APP: variants seen among roughly 807,000 people sequenced by gnomAD.
The protein encoded by APP is amyloid-beta precursor protein.
Under a neutral mutation model 101.4 loss-of-function variants are expected in APP, and 31 were observed. The ratio of observed to expected loss-of-function variants is 0.31; its 90% confidence interval spans 0.23 to 0.41. The LOEUF is 0.41. Among genes scored for constraint, APP ranks in the 10% least tolerant of loss-of-function variants. The pLI, the probability that APP is intolerant of heterozygous loss-of-function variation, is 1.00. For synonymous variants in APP, 366 were observed against 364.4 expected, an observed-to-expected ratio of 1.00 and a Z score of -0.05; for missense variants, 839 against 1,003.7, an observed-to-expected ratio of 0.84 and a Z score of 2.22.
intron 1 of APP, among the ~76,000 whole-genome samples, chr21:26,134,525 G>C (rs988493946): frequency 6.6e-5 from 10 of 152,208 alleles, no homozygotes; most frequent in Non-Finnish European, 1.3e-4. Context: ...GAGATGCACG[G>C]GGTGAGGTGC....
chr21:26,003,623 T>G (rs893819790), intron 6 of APP, among the ~76,000 whole-genome samples: 4 of 152,204 alleles, frequency 2.6e-5, no homozygotes, highest in African/African-American at 9.7e-5. Context: ...GGACTGACAG[T>G]GTGCTTTTGT....
intron 1 of APP, among the ~76,000 whole-genome samples, chr21:26,147,586 TAAG>T (rs2063178713): frequency 1.4e-5 from 2 of 147,510 alleles, no homozygotes; most frequent in Admixed American, 7.0e-5. Context: ...TACAGTTTCT[TAAG>T]AAGATGTAAC....
In APP at chr21:26,154,577, A is replaced by T. The variant is rs571418569; in HGVS notation, c.57+15987T>A. On this transcript the variant is annotated intron_variant, in intron 1 of 17. Transcript: ENST00000346798. Reference sequence around the variant, plus strand: ...GCCTTCAAGTGGGCCAGATTGTCTTAAAGCTCCTGGCTTAATATTTAACTG... The same window carrying T: ...GCCTTCAAGTGGGCCAGATTGTCTTTAAGCTCCTGGCTTAATATTTAACTG... Among the ~76,000 whole-genome samples the T allele has an allele frequency of 1.1e-3, 164 of 152,360 alleles. 1 individual carries two copies. Among genetic ancestry groups the T allele is most frequent in the Non-Finnish European group, 1.9e-3 (128 of 68,040 alleles).
chr21:25,981,153 T>G (rs1171233465), intron 9 of APP, among the ~76,000 whole-genome samples: 1 of 152,124 alleles, frequency 6.6e-6, no homozygotes, highest in Non-Finnish European at 1.5e-5. Flanking sequence ...CATTTGGCCC[T>G]GGGAGGGAGG....
At chr21:25,963,398 A>C (rs1275965720) in intron 11 of APP, among the ~76,000 whole-genome samples, 1 of 152,172 alleles carries the variant, frequency 6.6e-6, no homozygotes, top group East Asian at 1.9e-4. Flanking sequence ...TTGTGCCCTA[A>C]ACCCGTTTCT....
chr21:26,081,605 G>A (rs780620340), intron 3 of APP, among the ~76,000 whole-genome samples: 4 of 152,170 alleles, frequency 2.6e-5, no homozygotes, highest in African/African-American at 7.2e-5. Flanking sequence ...CCATCTGGGC[G>A]AATACGTGCA....
chr21:26,026,944 CAG>C (rs1311583559), intron 5 of APP, among the ~76,000 whole-genome samples: 3 of 152,202 alleles, frequency 2.0e-5, no homozygotes, highest in Non-Finnish European at 4.4e-5. Flanking sequence ...AGTGTATGAA[CAG>C]GGAGTATATG....
chr21:26,129,193 A>T (rs2062742807), intron 1 of APP, among the ~76,000 whole-genome samples: 1 of 152,128 alleles, frequency 6.6e-6, no homozygotes, highest in African/African-American at 2.4e-5. Context: ...CAGGTCTTGG[A>T]CAGGCACCAT....
chr21:25,881,380 A>G lies in APP; in HGVS notation c.*290T>C, dbSNP rs201853089. On this transcript the variant is annotated 3_prime_UTR_variant, in exon 18 of 18. Transcript: ENST00000346798. ...GGGCTATGTGATAAATAATCAGGAG[A>G]GAATCTATTCATGCACTAGTTTGAT... 4.3e-6 allele frequency: 2 copies of G among 470,282 alleles called. No individual in the cohort carries two copies. Among genetic ancestry groups the G allele is most frequent in the Non-Finnish European group, 7.8e-6 (2 of 256,336 alleles). 29.1% of individuals were successfully genotyped at this position (470,282 alleles called of 1,614,324 possible). A position where few individuals can be genotyped will look rare whatever the true frequency, so the allele number is the denominator to read the frequency against.
chr21:26,096,646 T>C (rs774606642), intron 2 of APP, among the ~76,000 whole-genome samples: 3 of 152,128 alleles, frequency 2.0e-5, no homozygotes, highest in Non-Finnish European at 2.9e-5. Context: ...GCATGGTGGC[T>C]TGCGCCTATA....
intron 14 of APP, among the ~76,000 whole-genome samples, chr21:25,906,627 A>G (rs2038803242): frequency 6.6e-6 from 1 of 152,230 alleles, no homozygotes; most frequent in African/African-American, 2.4e-5. Context: ...TGCAACTCCC[A>G]AATACATTTC....
chr21:25,945,284 A>G (rs939412346), intron 13 of APP, among the ~76,000 whole-genome samples: 1 of 151,722 alleles, frequency 6.6e-6, no homozygotes, highest in Middle Eastern at 3.4e-3. Flanking sequence ...TTCGAGGCAA[A>G]TATCAGTTCT....
chr21:25,940,300 CT>C (rs932419984), intron 13 of APP, among the ~76,000 whole-genome samples: 3 of 152,030 alleles, frequency 2.0e-5, no homozygotes, highest in Non-Finnish European at 2.9e-5. Flanking sequence ...AGAAGTGCCC[CT>C]CTCCACAGAT....
chr21:26,057,184 A>C (rs2046076353), intron 3 of APP, among the ~76,000 whole-genome samples: 1 of 152,228 alleles, frequency 6.6e-6, no homozygotes, highest in Non-Finnish European at 1.5e-5. Context: ...GTTTCTCTCC[A>C]CAGCCACGTA....
At chr21:25,885,992 T>C (rs1418280962) in intron 17 of APP, among the ~76,000 whole-genome samples, 3 of 152,118 alleles carry the variant, frequency 2.0e-5, no homozygotes, top group Non-Finnish European at 4.4e-5. Flanking sequence ...GTTTACATTT[T>C]ATTATGTACA....
At chr21:26,102,357 G>A (rs565422378) in intron 2 of APP, among the ~76,000 whole-genome samples, 52 of 152,096 alleles carry the variant, frequency 3.4e-4, no homozygotes, top group African/African-American at 1.1e-3. Context: ...CCAAAGTGCT[G>A]GGATTACAGG....
At chr21:26,003,394 T>C (rs1019194105) in intron 6 of APP, among the ~76,000 whole-genome samples, 2 of 152,194 alleles carry the variant, frequency 1.3e-5, no homozygotes, top group Non-Finnish European at 1.5e-5. Flanking sequence ...CCAATCCTGT[T>C]AGGGGCAGTT....
chr21:26,019,354 C>T (rs1379542205), intron 6 of APP, among the ~76,000 whole-genome samples: 2 of 152,172 alleles, frequency 1.3e-5, no homozygotes, highest in African/African-American at 4.8e-5. Flanking sequence ...TTTGCTAGTC[C>T]TGATGACTCT....
intron 1 of APP, among the ~76,000 whole-genome samples, chr21:26,118,868 A>G (rs950767160): frequency 4.7e-5 from 7 of 148,548 alleles, no homozygotes; most frequent in African/African-American, 1.5e-4. Context: ...GACATGTCTC[A>G]TACAGTCACC....
Sources: allele counts gnomAD v4.1 joint callset (sites outside exome capture counted in the v4.1 genomes callset), GRCh38; gene constraint gnomAD v4.1.1; transcripts MANE v1.5; gene names NCBI Gene and HGNC (gene_info 2026-07-23, HGNC 2026-07-21).